The following OGFR variants were observed in gnomAD, a reference collection of about 807,000 sequenced individuals.
OGFR encodes the protein protein 7-60.
OGFR carries 18 observed loss-of-function variants against 33.6 expected under a neutral mutation model. The observed-to-expected ratio is 0.54, with a 90% CI of 0.37 to 0.80. The LOEUF (loss-of-function observed/expected upper bound fraction) is 0.80, where lower values mean the gene tolerates loss of function less well. Ranked by LOEUF, OGFR falls within the 30% of genes least tolerant of loss-of-function variation. The probability of loss-of-function intolerance (pLI) is 0.00; values close to 1 mark genes in which losing one functional copy is unlikely to be tolerated. For synonymous variants in OGFR, 370 were observed against 400.7 expected (o/e 0.92, Z 0.91); for missense variants, 877 against 955.8 (o/e 0.92, Z 1.09).
intron 1 of OGFR, 24 bp from the exon 2 acceptor site, chr20:62,807,513 T>C: frequency 6.2e-7 from 1 of 1,609,678 alleles, no homozygotes; most frequent in South Asian, 1.1e-5. Context: ...ATGGGGGTCC[T>C]AATCCCATCT....
At chr20:62,805,594 C>G (rs1390571041) in intron 1 of OGFR, 2 of 152,428 alleles carry the variant, frequency 1.3e-5, no homozygotes, top group South Asian at 2.1e-4. Context: ...GTCCGGCCCC[C>G]CTGTCGGGGA....
Position 62,812,282 on chromosome 20 carries a change from C to A in OGFR, c.667C>A (p.Leu223Met). 6.5e-7 allele frequency: 1 copy of A among 1,538,544 alleles called. No homozygotes were observed. The highest frequency in any genetic ancestry group is 8.8e-7 in the Non-Finnish European group (1 of 1,142,626). Residue 223 changes from leucine (L) to methionine (M), a missense_variant, in exon 7 of 7, where the codon CTG (leucine) becomes ATG (methionine). Leu to Met is a conservative substitution (Grantham distance 15). Transcript: ENST00000290291. The part of the protein sequence containing the change: ...ITRILKSLGE[L>M]GLEHFQAPLV... ...ACGCATCCTCAAGTCGCTGGGTGAG[C>A]TGGGCCTCGAGCACTTCCAGGCGCC...
chr20:62,812,607 G>C lies in OGFR; in HGVS notation c.992G>C (p.Gly331Ala). The change falls in exon 7 of 7, where the codon GGG becomes GCG. Residue 331 changes from glycine to alanine, a missense_variant. Physicochemically the swap from Gly to Ala is moderately conservative, Grantham distance 60. Transcript: ENST00000290291. ...GCCAGCACCCAGGGTCGGACCTGTG[G>C]GCCAGAGCATAGCAAGGGTGGGGGC... ...HEASTQGRTC[G>A]PEHSKGGGRV... 1 of 1,564,490 alleles carries C rather than the reference G, an allele frequency of 6.4e-7. No individual in the cohort carries two copies. The highest frequency in any genetic ancestry group is 8.7e-7 in the Non-Finnish European group (1 of 1,155,324).
intron 3 of OGFR, among the ~76,000 whole-genome samples, chr20:62,808,807 A>G (rs994076925): frequency 6.6e-6 from 1 of 151,998 alleles, no homozygotes; most frequent in African/African-American, 2.4e-5. Context: ...CCCTGTCTCT[A>G]CTAAAAATAC....
At chr20:62,810,360 C>T (rs2147184947) in intron 4 of OGFR, 139 bp from the exon 5 acceptor site, 4 of 749,420 alleles carry the variant, frequency 5.3e-6, no homozygotes, top group Non-Finnish European at 9.1e-6. Flanking sequence ...CCTCGCTCCT[C>T]CACCTAGCCA....
chr20:62,807,564 C>T lies in OGFR; in HGVS notation c.199C>T (p.Arg67Ter). 1.9e-6 allele frequency: 3 copies of T among 1,610,772 alleles called. No homozygotes were observed. Among genetic ancestry groups the T allele is most frequent in the Non-Finnish European group, 1.7e-6 (2 of 1,179,132 alleles). Residue 67 changes from arginine to a stop codon, truncating the protein, a stop_gained, in exon 2 of 7, where the codon CGA becomes TGA. Coordinates refer to ENST00000290291, the MANE Select transcript of OGFR (RefSeq NM_007346.4). LOFTEE classifies it high-confidence loss of function. ...CAGAATGACAGGGTCCAGAAACTGG[C>T]GAGCCACGAGGGACATGTGTAGGTA... ...QSRMTGSRNW[R>*]ATRDMCRYRH...
rs747878771 is a variant in OGFR, at chr20:62,804,844, CCCG to C, written c.-6_-4del. 13 of 1,448,296 alleles carry C rather than the reference CCCG, an allele frequency of 9.0e-6. No individual in the cohort carries two copies. The highest frequency in any genetic ancestry group is 3.1e-5 in the East Asian group (1 of 32,720). The allele number at this position is 1,448,296 out of a possible 1,614,324, so 89.7% of individuals were successfully genotyped here. ...TTTCGCTTCCGCCTCCAGCGCGAGC[CCCG>C]CCGCCGCCGAGCATGGACGACCCCG... On this transcript the variant is annotated 5_prime_UTR_variant, in exon 1 of 7. Coordinates refer to ENST00000290291, the MANE Select transcript of OGFR (RefSeq NM_007346.4).
chr20:62,810,350 C>T (rs772018576), intron 4 of OGFR, 149 bp from the exon 5 acceptor site: 9 of 684,052 alleles, frequency 1.3e-5, no homozygotes, highest in East Asian at 2.8e-5. Flanking sequence ...GCTCTCCCAC[C>T]CTCGCTCCTC....
rs753479165 is a variant in OGFR at position 62,808,305 on chromosome 20, A to C, written c.299A>C (p.Glu100Ala). ...CCAAACCTGAGTTTCTACAGAAATGAGATCCGCTTCCTGCCCAACGGTAGG... is the reference window on the plus strand; with the variant it reads ...CCAAACCTGAGTTTCTACAGAAATGCGATCCGCTTCCTGCCCAACGGTAGG... ...DTPNLSFYRN[E>A]IRFLPNGCFI... Residue 100 changes from glutamate to alanine, a missense_variant, in exon 3 of 7, where the codon GAG becomes GCG. Transcript: ENST00000290291. 1.2e-6 allele frequency: 2 copies of C among 1,613,298 alleles called. No individual in the cohort carries two copies. Among genetic ancestry groups the C allele is most frequent in the Non-Finnish European group, 1.7e-6 (2 of 1,179,810 alleles).
At chr20:62,807,626 C>G (rs548484070) in intron 2 of OGFR, 21 bp downstream of exon 2, 3 of 1,608,780 alleles carry the variant, frequency 1.9e-6, no homozygotes, top group East Asian at 4.5e-5. Context: ...GCCCCTGCCC[C>G]GGGACACAGA....
In OGFR at chr20:62,813,657, A is replaced by C; in HGVS notation, c.*8A>C. 6.2e-7 allele frequency: 1 copy of C among 1,610,938 alleles called. No individual in the cohort carries two copies. The highest frequency in any genetic ancestry group is 8.5e-7 in the Non-Finnish European group (1 of 1,178,590). ...AAGTCTGGGAAGCCTTAAGGAAAGG[A>C]GTGCCCGTCGGCGTCTTGGTCCTCC... On this transcript the variant is annotated 3_prime_UTR_variant, in exon 7 of 7. Coordinates refer to ENST00000290291, the MANE Select transcript of OGFR (RefSeq NM_007346.4).
At chr20:62,806,096 T>A (rs7270521) in intron 1 of OGFR, 21,717 of 152,364 alleles carry the variant, frequency 0.14, 1,689 homozygotes, top group Middle Eastern at 0.24. Context: ...GGCAGTGTCA[T>A]GTATGCACCT....
chr20:62,805,161 C>CT (rs1568735782), intron 1 of OGFR, 131 bp downstream of exon 1: 6 of 628,284 alleles, frequency 9.5e-6, no homozygotes, highest in Non-Finnish European at 1.4e-5. Context: ...CCGGGGACCC[C>CT]CCCCCAGACC....
chr20:62,807,334 A>T lies in OGFR; in HGVS notation c.172-203A>T, dbSNP rs971607655. On this transcript the variant is annotated intron_variant, in intron 1 of 6. Transcript: ENST00000290291. ...CTCTGGTTCTGTGCAGGGTATTGGGATGCGTTACTGAGGCCCAAATCTGCC... is the reference window on the plus strand; with the variant it reads ...CTCTGGTTCTGTGCAGGGTATTGGGTTGCGTTACTGAGGCCCAAATCTGCC... 4.9e-6 allele frequency: 3 copies of T among 607,948 alleles called. No homozygotes were observed. In the East Asian group the frequency reaches 8.3e-5, roughly 17 times the overall value. 37.7% of individuals were successfully genotyped at this position (607,948 alleles called of 1,614,324 possible). A position where few individuals can be genotyped will look rare whatever the true frequency, so the allele number is the denominator to read the frequency against.
chr20:62,810,605 G>A, intron 5 of OGFR, 40 bp downstream of exon 5: 1 of 1,600,638 alleles, frequency 6.2e-7, no homozygotes, highest in Middle Eastern at 1.7e-4. Context: ...GGAAGATGGG[G>A]AGGCCTGGGC....
In OGFR at chr20:62,808,974, CAAAAAAAAAAAAAA is replaced by C. The variant is rs5842400; in HGVS notation, c.320-595_320-582del. ...TGGGCAACAGAATGAGACTCTGTCT[CAAAAAAAAAAAAAA>C]AAAAAAAAAAAAAAAGAACAGTGTT... On this transcript the variant is annotated intron_variant, in intron 3 of 6. Transcript: ENST00000290291. Among the ~76,000 whole-genome samples, 164 of 68,420 alleles carry C rather than the reference CAAAAAAAAAAAAAA, an allele frequency of 2.4e-3. 2 individuals carry two copies. Among genetic ancestry groups the C allele is most frequent in the African/African-American group, 8.7e-3 (159 of 18,348 alleles). The allele number at this position is 68,420 out of a possible 152,430, so 44.9% of individuals were successfully genotyped here.
At position 62,813,864 on chromosome 20, in the gene OGFR, G is replaced by A; in HGVS notation, c.*215G>A. On this transcript the variant is annotated 3_prime_UTR_variant, in exon 7 of 7. Coordinates refer to ENST00000290291, the MANE Select transcript of OGFR (RefSeq NM_007346.4). ...TGCAGAAGCCTCCTGGCCTGGCTGTGTCTTCCCCACCCAGCTCTCCCCTGC... is the reference window on the plus strand; with the variant it reads ...TGCAGAAGCCTCCTGGCCTGGCTGTATCTTCCCCACCCAGCTCTCCCCTGC... 1.6e-6 allele frequency: 1 copy of A among 608,842 alleles called. No individual in the cohort carries two copies. Among genetic ancestry groups the A allele is most frequent in the Non-Finnish European group, 2.9e-6 (1 of 346,226 alleles). 37.7% of individuals were successfully genotyped at this position (608,842 alleles called of 1,614,324 possible). A position where few individuals can be genotyped will look rare whatever the true frequency, so the allele number is the denominator to read the frequency against.
At chr20:62,805,101 C>G in intron 1 of OGFR, 71 bp downstream of exon 1, 1 of 1,187,488 alleles carries the variant, frequency 8.4e-7, no homozygotes, top group Non-Finnish European at 1.1e-6. Flanking sequence ...GACGGGAGAC[C>G]CCCCCATCCC....
At position 62,812,271 on chromosome 20, in the gene OGFR, C is replaced by T. The variant is rs1458570411; in HGVS notation, c.656C>T (p.Ser219Leu). ...NNLRITRILK[S>L]LGELGLEHFQ... ...CTCCGCATCACACGCATCCTCAAGT[C>T]GCTGGGTGAGCTGGGCCTCGAGCAC... Residue 219 changes from serine (S) to leucine (L), a missense_variant, in exon 7 of 7, where the codon TCG (serine) becomes TTG (leucine). Ser to Leu is a moderately radical substitution (Grantham distance 145). Transcript: ENST00000290291. The T allele has an allele frequency of 2.6e-6, 4 of 1,534,610 alleles. No homozygotes were observed. Among genetic ancestry groups the T allele is most frequent in the South Asian group, 1.2e-5 (1 of 81,990 alleles).
Sources: allele counts gnomAD v4.1 joint callset (sites outside exome capture counted in the v4.1 genomes callset), GRCh38; gene constraint gnomAD v4.1.1; transcripts MANE v1.5; gene names NCBI Gene and HGNC (gene_info 2026-07-23, HGNC 2026-07-21).